Variants in SAV1 observed in about 807,000 individuals in gnomAD.
The protein encoded by SAV1 is salvador family WW domain containing protein 1.
A neutral mutation model predicts 47.3 loss-of-function variants in SAV1; 23 were observed. That is an observed-to-expected ratio of 0.49 (90% CI 0.35 to 0.69). The LOEUF (loss-of-function observed/expected upper bound fraction) is 0.69, where lower values mean the gene tolerates loss of function less well. SAV1 is among the 30% of genes least tolerant of loss of function. The pLI, the probability that SAV1 is intolerant of heterozygous loss-of-function variation, is 0.01. For missense variants in SAV1, 448 were observed against 457.4 expected (o/e 0.98, Z 0.19); for synonymous variants, 155 against 159.2 (o/e 0.97, Z 0.20).
In SAV1 at chr14:50,644,936, C is replaced by T; in HGVS notation, c.614G>A (p.Trp205Ter). ...GSEDLPLPPG[W>*]SVDWTMRGRK... ...CCCTCTCATTGTCCAGTCCACAGAC[C>T]AGCCAGGAGGAAGGGGTAAATCTTC... The change falls in exon 3 of 5, where the codon TGG becomes TAG. Residue 205 changes from tryptophan (W) to a stop codon, truncating the protein, a stop_gained. Coordinates refer to ENST00000324679, the MANE Select transcript of SAV1 (RefSeq NM_021818.4). LOFTEE classifies it high-confidence loss of function. The T allele has an allele frequency of 6.2e-7, 1 of 1,613,926 alleles. No homozygotes were observed. Among genetic ancestry groups the T allele is most frequent in the Admixed American group, 1.7e-5 (1 of 60,008 alleles).
rs190734411 is a variant in SAV1, at chr14:50,668,016, C to T, written c.-49G>A. The T allele has an allele frequency of 1.4e-6, 2 of 1,402,032 alleles. No individual in the cohort carries two copies. The highest frequency in any genetic ancestry group is 1.5e-5 in the African/African-American group (1 of 67,546). 86.8% of individuals were successfully genotyped at this position (1,402,032 alleles called of 1,614,324 possible). ...GCGCTGAACTGCCTCCCTAGGGCTCCGCGCCGGGCGCCGGCCGTCTCCGCC... is the reference window on the plus strand; with the variant it reads ...GCGCTGAACTGCCTCCCTAGGGCTCTGCGCCGGGCGCCGGCCGTCTCCGCC... On this transcript the variant is annotated 5_prime_UTR_variant, in exon 1 of 5. Coordinates refer to ENST00000324679, the MANE Select transcript of SAV1 (RefSeq NM_021818.4).
At chr14:50,644,213 C>A (rs2039702372) in intron 3 of SAV1, among the ~76,000 whole-genome samples, 1 of 152,196 alleles carries the variant, frequency 6.6e-6, no homozygotes. Flanking sequence ...CTACCCAGCC[C>A]AGTATCAATC....
Position 50,668,160 on chromosome 14 carries a change from G to C in SAV1, c.-193C>G. The C allele has an allele frequency of 3.2e-6, 1 of 308,526 alleles. No individual in the cohort carries two copies. The highest frequency in any genetic ancestry group is 5.8e-6 in the Non-Finnish European group (1 of 171,570). The allele number at this position is 308,526 out of a possible 1,614,324, so 19.1% of individuals were successfully genotyped here. On this transcript the variant is annotated 5_prime_UTR_variant, in exon 1 of 5. Transcript: ENST00000324679. ...GCATGTTCAGGGCGCTAAGCGCGCC[G>C]GCCGCCGCTCAGTCGCTGGTCAGTT...
At chr14:50,645,044 A>G (rs750850014) in intron 2 of SAV1, 30 bp from the exon 3 acceptor site, 1 of 1,580,290 alleles carries the variant, frequency 6.3e-7, no homozygotes, top group Admixed American at 1.8e-5. Context: ...GATAGAGAAG[A>G]AACAGAACAA....
In SAV1 at chr14:50,634,145, G is replaced by C. The variant is rs1452952617; in HGVS notation, c.*1038C>G. On this transcript the variant is annotated 3_prime_UTR_variant, in exon 5 of 5. Transcript: ENST00000324679. ...TCAGGAACTCTCCACTGCCTCGTCA[G>C]AGCCATGCTAAATGCAGTAACAGCA... 2.2e-6 allele frequency: 1 copy of C among 455,208 alleles called. No homozygotes were observed. The highest frequency in any genetic ancestry group is 2.0e-5 in the African/African-American group (1 of 50,028). 28.2% of individuals were successfully genotyped at this position (455,208 alleles called of 1,614,324 possible). A position where few individuals can be genotyped will look rare whatever the true frequency, so the allele number is the denominator to read the frequency against.
intron 2 of SAV1, among the ~76,000 whole-genome samples, chr14:50,654,666 T>C (rs2039797427): frequency 6.6e-6 from 1 of 152,200 alleles, no homozygotes; most frequent in South Asian, 2.1e-4. Context: ...AAACACAGTA[T>C]CTGCGAAACA....
intron 2 of SAV1, among the ~76,000 whole-genome samples, chr14:50,646,851 CT>C: frequency 6.6e-6 from 1 of 152,154 alleles, no homozygotes; most frequent in Middle Eastern, 3.4e-3. Context: ...ATTTTTAAGG[CT>C]TACTATAAAG....
chr14:50,646,209 C>T (rs892764763), intron 2 of SAV1, among the ~76,000 whole-genome samples: 1 of 152,060 alleles, frequency 6.6e-6, no homozygotes, highest in African/African-American at 2.4e-5. Context: ...AAATTAGGCA[C>T]AGTAAGGGAT....
chr14:50,664,943 T>G, intron 2 of SAV1: 5 of 420,396 alleles, frequency 1.2e-5, no homozygotes, highest in East Asian at 5.1e-5. Context: ...TAGACAGCCT[T>G]GAGATAAATA....
In SAV1 at chr14:50,634,570, T is replaced by C. The variant is rs2039616873; in HGVS notation, c.*613A>G. ...TTCACCATGTTGCCCAGGCTGGTCT[T>C]AAACTCGTGGACTCAAGCGGTCCAC... On this transcript the variant is annotated 3_prime_UTR_variant, in exon 5 of 5. Transcript: ENST00000324679. The C allele has an allele frequency of 6.2e-6, 1 of 160,502 alleles. No homozygotes were observed. Among genetic ancestry groups the C allele is most frequent in the Non-Finnish European group, 1.4e-5 (1 of 73,450 alleles). The allele number at this position is 160,502 out of a possible 1,614,324, so 9.9% of individuals were successfully genotyped here.
chr14:50,652,037 T>G (rs1177877838), intron 2 of SAV1, among the ~76,000 whole-genome samples: 1 of 152,232 alleles, frequency 6.6e-6, no homozygotes, highest in African/African-American at 2.4e-5. Context: ...TCGATGATAC[T>G]ATTTTTAAAG....
intron 3 of SAV1, among the ~76,000 whole-genome samples, chr14:50,642,043 A>C (rs1595636258): frequency 6.6e-6 from 1 of 152,302 alleles, no homozygotes; most frequent in East Asian, 1.9e-4. Flanking sequence ...AAAGAACAAG[A>C]GCATGTAGTC....
At chr14:50,644,644 C>G (rs766126365) in intron 3 of SAV1, 100 bp downstream of exon 3, 2 of 1,152,490 alleles carry the variant, frequency 1.7e-6, no homozygotes, top group Non-Finnish European at 2.4e-6. Context: ...TTTCAAATCT[C>G]AAGCTTTAGG....
chr14:50,660,708 CTAACTT>C (rs2039852648), intron 2 of SAV1, among the ~76,000 whole-genome samples: 1 of 152,192 alleles, frequency 6.6e-6, no homozygotes, highest in African/African-American at 2.4e-5. Flanking sequence ...CTTATTCCAT[CTAACTT>C]TATGTTTGGA....
chr14:50,641,414 T>C (rs1193627538), intron 3 of SAV1, among the ~76,000 whole-genome samples: 1 of 151,870 alleles, frequency 6.6e-6, no homozygotes, highest in Admixed American at 6.6e-5. Flanking sequence ...GACCATACTT[T>C]AGTTCTAATA....
chr14:50,668,042 G>T lies in SAV1; in HGVS notation c.-75C>A. On this transcript the variant is annotated 5_prime_UTR_variant, in exon 1 of 5. Transcript: ENST00000324679. ...GCGCCGGGCGCCGGCCGTCTCCGCC[G>T]CCACCTCCGCCGGCGCCGCCGCCTC... 1 of 1,088,794 alleles carries T rather than the reference G, an allele frequency of 9.2e-7. No individual in the cohort carries two copies. 67.4% of individuals were successfully genotyped at this position (1,088,794 alleles called of 1,614,324 possible).
At chr14:50,642,136 G>C (rs917606980) in intron 3 of SAV1, among the ~76,000 whole-genome samples, 1 of 152,122 alleles carries the variant, frequency 6.6e-6, no homozygotes, top group Non-Finnish European at 1.5e-5. Flanking sequence ...ATGTTGATAG[G>C]TAGGAGCTAA....
intron 2 of SAV1, among the ~76,000 whole-genome samples, chr14:50,646,003 G>A (rs1040061196): frequency 1.3e-5 from 2 of 152,060 alleles, no homozygotes; most frequent in Admixed American, 1.3e-4. Context: ...TCACATTAAC[G>A]GATTGGAAGA....
At chr14:50,658,926 T>G (rs919592065) in intron 2 of SAV1, among the ~76,000 whole-genome samples, 78 of 152,330 alleles carry the variant, frequency 5.1e-4, no homozygotes, top group African/African-American at 1.9e-3. Flanking sequence ...GTTATTAATC[T>G]TTCCCTGCAA....
Sources: gnomAD v4.1 joint callset for allele counts (sites outside exome capture counted in the v4.1 genomes callset) on GRCh38, gnomAD v4.1.1 for gene constraint, MANE v1.5 for transcripts, NCBI Gene and HGNC (gene_info 2026-07-23, HGNC 2026-07-21) for gene names.